The following LMBRD2 variants were observed in gnomAD, a reference collection of about 807,000 sequenced individuals.
LMBRD2 encodes the protein G protein-coupled receptor-associated protein LMBRD2.
In LMBRD2, 55 loss-of-function variants were observed where a neutral mutation model predicts 94.4. The ratio of observed to expected loss-of-function variants is 0.58; its 90% CI spans 0.47 to 0.73. The LOEUF is 0.73. Among genes scored for constraint, LMBRD2 ranks in the 30% least tolerant of loss-of-function variants. LMBRD2 has a pLI of 0.00. For missense variants in LMBRD2, 640 were observed against 831.9 expected (o/e 0.77, Z 2.84); for synonymous variants, 246 against 272.4 (o/e 0.90, Z 0.95).
At chr5:36,105,652 A>G (rs915142776) in intron 16 of LMBRD2, among the ~76,000 whole-genome samples, 3 of 152,216 alleles carry the variant, frequency 2.0e-5, no homozygotes, top group African/African-American at 7.2e-5. Context: ...ACTAGCCAAC[A>G]TCGGCACTAG....
At chr5:36,145,166 C>A (rs917734843) in intron 1 of LMBRD2, among the ~76,000 whole-genome samples, 2 of 152,220 alleles carry the variant, frequency 1.3e-5, no homozygotes, top group South Asian at 4.1e-4. Flanking sequence ...ACAGTAGTAT[C>A]AAGAAATATT....
Position 36,098,598 on chromosome 5 carries a change from C to G in LMBRD2, c.*5448G>C, listed in dbSNP as rs1447876653. ...AATTTATTTCATGCAAAGCTACATT[C>G]TTTCCTATATTTTAACAGCTAATCA... On this transcript the variant is annotated 3_prime_UTR_variant, in exon 18 of 18. Coordinates refer to ENST00000296603, the MANE Select transcript of LMBRD2 (RefSeq NM_001007527.2). 1 of 152,018 alleles carries G rather than the reference C, an allele frequency of 6.6e-6. No individual in the cohort carries two copies. Among genetic ancestry groups the G allele is most frequent in the Non-Finnish European group, 1.5e-5 (1 of 67,906 alleles). The allele number at this position is 152,018 out of a possible 1,614,324, so 9.4% of individuals were successfully genotyped here. A position where few individuals can be genotyped will look rare whatever the true frequency, so the allele number is the denominator to read the frequency against.
At chr5:36,107,829 G>A (rs962328653) in intron 16 of LMBRD2, among the ~76,000 whole-genome samples, 1 of 152,118 alleles carries the variant, frequency 6.6e-6, no homozygotes, top group African/African-American at 2.4e-5. Flanking sequence ...GGGTGAGAGT[G>A]CTCAGTTTTT....
intron 6 of LMBRD2, among the ~76,000 whole-genome samples, chr5:36,136,069 A>G (rs899808527): frequency 2.0e-5 from 3 of 152,242 alleles, no homozygotes; most frequent in African/African-American, 7.2e-5. Flanking sequence ...TAATAGGCGT[A>G]GCCCTGCACT....
At chr5:36,109,876 T>C (rs1157598822) in intron 15 of LMBRD2, 69 bp downstream of exon 15, 7 of 1,150,492 alleles carry the variant, frequency 6.1e-6, no homozygotes, top group South Asian at 1.4e-5. Flanking sequence ...TTATTCCAAA[T>C]TAGTAAGATT....
rs552103566 is a variant in LMBRD2 at position 36,102,974 on chromosome 5, C to T, written c.*1072G>A. The T allele has an allele frequency of 6.6e-5, 10 of 151,880 alleles. No individual in the cohort carries two copies. The South Asian group carries it at 1.9e-3, about 28-fold the overall frequency. The allele number at this position is 151,880 out of a possible 1,614,324, so 9.4% of individuals were successfully genotyped here. ...AACACTAGTGCTTTAAAATATAATA[C>T]ATAAATTTATCTTAAACACAAAGGT... On this transcript the variant is annotated 3_prime_UTR_variant, in exon 18 of 18. Coordinates refer to ENST00000296603, the MANE Select transcript of LMBRD2 (RefSeq NM_001007527.2).
chr5:36,151,870 G>A lies in LMBRD2; in HGVS notation c.-372C>T, dbSNP rs1744725854. 2 of 269,252 alleles carry A rather than the reference G, an allele frequency of 7.4e-6. No individual in the cohort carries two copies. The highest frequency in any genetic ancestry group is 7.2e-6 in the Non-Finnish European group (1 of 138,136). The allele number at this position is 269,252 out of a possible 1,614,324, so 16.7% of individuals were successfully genotyped here. A position where few individuals can be genotyped will look rare whatever the true frequency, so the allele number is the denominator to read the frequency against. ...AAGGAAAATCCGTCTACAGTCCAGC[G>A]GCTGACATTTCCCAGTCAGCCGTAG... is the stretch of plus-strand genomic sequence containing the variant. On this transcript the variant is annotated 5_prime_UTR_variant, in exon 1 of 18. Coordinates refer to ENST00000296603, the MANE Select transcript of LMBRD2 (RefSeq NM_001007527.2). This position sits in a 1 kb window ranked among gnomAD's most constrained non-coding sequence, Gnocchi z 4.7.
At chr5:36,142,726 T>C (rs2111910736) in intron 2 of LMBRD2, 127 bp from the exon 3 acceptor site, 1 of 561,144 alleles carries the variant, frequency 1.8e-6, no homozygotes, top group Middle Eastern at 4.0e-4. Flanking sequence ...CTTTTTTTTT[T>C]TTTTTTCTTT....
Position 36,100,668 on chromosome 5 carries a change from G to A in LMBRD2, c.*3378C>T, listed in dbSNP as rs1743329136. 2 of 152,084 alleles carry A rather than the reference G, an allele frequency of 1.3e-5. No individual in the cohort carries two copies. Among genetic ancestry groups the A allele is most frequent in the South Asian group, 2.1e-4 (1 of 4,820 alleles). 9.4% of individuals were successfully genotyped at this position (152,084 alleles called of 1,614,324 possible). A position where few individuals can be genotyped will look rare whatever the true frequency, so the allele number is the denominator to read the frequency against. ...TTCAAGTACGCTAAGATTTTTCAGG[G>A]ACATATTTTGTCGCTTAGTGCAAAT... is the stretch of plus-strand genomic sequence containing the variant. On this transcript the variant is annotated 3_prime_UTR_variant, in exon 18 of 18. Coordinates refer to ENST00000296603, the MANE Select transcript of LMBRD2 (RefSeq NM_001007527.2).
At chr5:36,138,275 G>A (rs1265278547) in intron 4 of LMBRD2, among the ~76,000 whole-genome samples, 1 of 152,174 alleles carries the variant, frequency 6.6e-6, no homozygotes, top group Non-Finnish European at 1.5e-5. Context: ...AGTAAACAAT[G>A]AGCAAGTGGA....
At chr5:36,116,393 AT>A in intron 11 of LMBRD2, 66 bp downstream of exon 11, 1 of 1,450,506 alleles carries the variant, frequency 6.9e-7, no homozygotes, top group Non-Finnish European at 9.5e-7. Flanking sequence ...ACAACAAAAA[AT>A]AAAAGATCCA....
At position 36,098,418 on chromosome 5, in the gene LMBRD2, C is replaced by T. The variant is rs544037545; in HGVS notation, c.*5628G>A. 1.1e-4 allele frequency: 16 copies of T among 151,938 alleles called. No homozygotes were observed. In the South Asian group the frequency reaches 1.5e-3, roughly 14 times the overall value. The allele number at this position is 151,938 out of a possible 1,614,324, so 9.4% of individuals were successfully genotyped here. ...AACATAAGAAAAAGTAATGTGAAAA[C>T]TAAAGTACACATATTTATTTTAAAA... On this transcript the variant is annotated 3_prime_UTR_variant, in exon 18 of 18. Transcript: ENST00000296603.
chr5:36,146,941 AGT>A (rs371000455), intron 1 of LMBRD2, among the ~76,000 whole-genome samples: 39,494 of 139,236 alleles, frequency 0.28, 5,462 homozygotes, highest in Non-Finnish European at 0.35. Flanking sequence ...TGTGTGTGTG[AGT>A]GTGTGTGTGT....
intron 13 of LMBRD2, 63 bp downstream of exon 13, chr5:36,114,361 G>A: frequency 6.7e-7 from 1 of 1,499,246 alleles, no homozygotes; most frequent in South Asian, 1.3e-5. Context: ...ATTTAAAAGA[G>A]CTTTAAAGAG....
intron 11 of LMBRD2, 89 bp downstream of exon 11, chr5:36,116,371 G>T: frequency 1.7e-6 from 2 of 1,168,650 alleles, no homozygotes; most frequent in Non-Finnish European, 1.2e-6. Context: ...GATGTTAGTG[G>T]AACACCTGTA....
At chr5:36,125,323 T>C (rs929784192) in intron 6 of LMBRD2, among the ~76,000 whole-genome samples, 3 of 152,124 alleles carry the variant, frequency 2.0e-5, no homozygotes, top group African/African-American at 7.2e-5. Flanking sequence ...TTCTGGGGCA[T>C]AGAGTAGAGC....
In LMBRD2 at chr5:36,103,724, T is replaced by G; in HGVS notation, c.*322A>C. On this transcript the variant is annotated 3_prime_UTR_variant, in exon 18 of 18. Transcript: ENST00000296603. The stretch of plus-strand genomic sequence containing the variant: ...CTTCCTTGAATCTTTAAAATAACTC[T>G]CTTGAAAAAAAATTAATCTGAAACA... The G allele has an allele frequency of 6.0e-6, 1 of 167,254 alleles. No individual in the cohort carries two copies. Among genetic ancestry groups the G allele is most frequent in the Non-Finnish European group, 1.3e-5 (1 of 77,238 alleles). 10.4% of individuals were successfully genotyped at this position (167,254 alleles called of 1,614,324 possible).
intron 7 of LMBRD2, 26 bp from the exon 8 acceptor site, chr5:36,122,987 T>A (rs761442138): frequency 1.2e-5 from 17 of 1,450,794 alleles, no homozygotes; most frequent in East Asian, 2.8e-5. Flanking sequence ...AGTAGATTTT[T>A]AAAAATCTTA....
rs141521969 is a variant in LMBRD2 at position 36,117,758 on chromosome 5, T to A, written c.1279A>T (p.Thr427Ser). 6.2e-7 allele frequency: 1 copy of A among 1,606,370 alleles called. No homozygotes were observed. Among genetic ancestry groups the A allele is most frequent in the Non-Finnish European group, 8.5e-7 (1 of 1,177,194 alleles). ...FAVFIQLAEK[T>S]YNYIYIEIAC... ...ACCTCGATATAAATATAATTATATG[T>A]TTTTTCTGCCAGCTGTATGAAGACC... Residue 427 changes from threonine to serine, a missense_variant, in exon 10 of 18, where the codon ACA becomes TCA. Physicochemically the swap from Thr to Ser is moderately conservative, Grantham distance 58 (BLOSUM62 1). This residue lies in a region of LMBRD2 where 457 missense variants were observed against 642.8 expected (regional missense o/e 0.71). Transcript: ENST00000296603.
Sources: allele counts gnomAD v4.1 joint callset (sites outside exome capture counted in the v4.1 genomes callset), GRCh38; gene constraint gnomAD v4.1.1; regional missense constraint gnomAD v4.1.1; non-coding constraint Gnocchi (gnomAD v3.1); transcripts MANE v1.5; gene names NCBI Gene and HGNC (gene_info 2026-07-23, HGNC 2026-07-21).